Variants in NFIA observed in about 807,000 individuals in gnomAD.
NFIA encodes nuclear factor I A.
Under a neutral mutation model 62.8 loss-of-function variants are expected in NFIA, and 8 were observed. The observed-to-expected ratio is 0.13, with a 90% CI of 0.07 to 0.23. NFIA has a LOEUF of 0.23. NFIA is among the 10% of genes least tolerant of loss of function. The pLI, the probability that NFIA is intolerant of heterozygous loss-of-function variation, is 1.00. For synonymous variants in NFIA, 235 were observed against 238.1 expected (o/e 0.99, Z 0.12); for missense variants, 410 against 642.1 (o/e 0.64, Z 3.91).
intron 2 of NFIA, among the ~76,000 whole-genome samples, chr1:61,234,253 G>A (rs1387539526): frequency 1.3e-5 from 2 of 151,664 alleles, no homozygotes; most frequent in Non-Finnish European, 2.9e-5. Context: ...TGTAATCCCA[G>A]CTACTCAGGA....
chr1:61,196,500 C>T (rs774370120), intron 2 of NFIA, among the ~76,000 whole-genome samples: 28 of 152,032 alleles, frequency 1.8e-4, no homozygotes, highest in Non-Finnish European at 2.8e-4. Context: ...CATTTCTTAG[C>T]GTAGAGCAAA....
At chr1:61,451,869 C>G (rs904065419) in intron 10 of NFIA, among the ~76,000 whole-genome samples, 18 of 152,126 alleles carry the variant, frequency 1.2e-4, no homozygotes, top group Admixed American at 8.5e-4. Context: ...CATATGAAAC[C>G]TAAGCTTATG....
Position 61,181,759 on chromosome 1 carries a change from A to T in NFIA, c.559+93079A>T, listed in dbSNP as rs994667264. ...CAACTCTATTCCCTACTGATACATA[A>T]AGAAATTCCTGTGATAGTAAATAGT... On this transcript the variant is annotated intron_variant, in intron 2 of 10. Transcript: ENST00000403491. 2.6e-5 allele frequency among the ~76,000 whole-genome samples: 4 copies of T among 152,348 alleles called. No homozygotes were observed. The East Asian group carries it at 5.8e-4, about 22-fold the overall frequency.
chr1:61,246,003 C>G (rs1267696389), intron 2 of NFIA, among the ~76,000 whole-genome samples: 3 of 152,050 alleles, frequency 2.0e-5, no homozygotes, highest in Non-Finnish European at 4.4e-5. Context: ...TCCTATAAAC[C>G]CTATATGAAC....
chr1:61,189,760 G>T (rs1006168724), intron 2 of NFIA, among the ~76,000 whole-genome samples: 17 of 152,164 alleles, frequency 1.1e-4, no homozygotes, highest in African/African-American at 2.9e-4. Context: ...GTTTTACTAT[G>T]CAGACTCAGT....
chr1:61,096,891 G>A (rs1189412336), intron 2 of NFIA, among the ~76,000 whole-genome samples: 3 of 151,952 alleles, frequency 2.0e-5, no homozygotes, highest in Non-Finnish European at 4.4e-5. Context: ...AAAACTCAAA[G>A]CCTCACTCAA....
At position 61,354,883 on chromosome 1, in the gene NFIA, G is replaced by A. The variant is rs187310093; in HGVS notation, c.818+2316G>A. On this transcript the variant is annotated intron_variant, in intron 5 of 10. Coordinates refer to ENST00000403491, the MANE Select transcript of NFIA (RefSeq NM_001134673.4). Reference sequence around the variant, plus strand: ...TAGCTCTTCCCATTCAGCAGCGAACGTTATTAGTAAGAAACAAGGACACCG... The same window carrying A: ...TAGCTCTTCCCATTCAGCAGCGAACATTATTAGTAAGAAACAAGGACACCG... 1.1e-3 allele frequency among the ~76,000 whole-genome samples: 168 copies of A among 152,196 alleles called. 1 individual carries two copies. In the Middle Eastern group the frequency reaches 0.038, roughly 34 times the overall value.
chr1:61,435,145 T>C (rs1268061808), intron 10 of NFIA, among the ~76,000 whole-genome samples: 1 of 152,202 alleles, frequency 6.6e-6, no homozygotes, highest in Non-Finnish European at 1.5e-5. Flanking sequence ...ATGTACTGGG[T>C]ACTCACCAGG....
chr1:61,078,939 T>C (rs978763245), upstream of NFIA, among the ~76,000 whole-genome samples: 3 of 152,204 alleles, frequency 2.0e-5, no homozygotes, highest in Admixed American at 1.3e-4. Flanking sequence ...GACTAAAATA[T>C]CTCCATCTCC....
intron 10 of NFIA, among the ~76,000 whole-genome samples, chr1:61,426,780 A>G (rs928262539): frequency 6.6e-6 from 1 of 152,114 alleles, no homozygotes; most frequent in Non-Finnish European, 1.5e-5. Context: ...GAACTGTTTT[A>G]GCTATGGCAC....
intron 9 of NFIA, among the ~76,000 whole-genome samples, chr1:61,422,478 C>A (rs1666667886): frequency 1.3e-5 from 2 of 152,072 alleles, no homozygotes; most frequent in African/African-American, 2.4e-5. Flanking sequence ...TTCGTTTTTG[C>A]AGATATATCC....
intron 10 of NFIA, among the ~76,000 whole-genome samples, chr1:61,443,651 G>A (rs1464523516): frequency 6.6e-6 from 1 of 152,180 alleles, no homozygotes; most frequent in Admixed American, 6.5e-5. Context: ...GCATTGCCCT[G>A]AGGTTACAGT....
At chr1:61,334,282 A>G (rs1440234474) in intron 4 of NFIA, among the ~76,000 whole-genome samples, 2 of 152,202 alleles carry the variant, frequency 1.3e-5, no homozygotes, top group South Asian at 2.1e-4. Context: ...GGTTGCTGCC[A>G]TGGTATTGAA....
intron 2 of NFIA, among the ~76,000 whole-genome samples, chr1:61,117,656 T>G (rs2100464142): frequency 6.6e-6 from 1 of 152,354 alleles, no homozygotes; most frequent in Non-Finnish European, 1.5e-5. Context: ...TACAAGGTTA[T>G]CGTATATTTC....
chr1:61,316,789 C>T (rs1413380338), intron 3 of NFIA, among the ~76,000 whole-genome samples: 1 of 152,144 alleles, frequency 6.6e-6, no homozygotes, highest in Non-Finnish European at 1.5e-5. Flanking sequence ...GATCATTCTC[C>T]TGCCTAAAAG....
chr1:61,077,693 A>T (rs894595533), upstream of NFIA: 15 of 1,301,250 alleles, frequency 1.2e-5, no homozygotes, highest in Non-Finnish European at 1.5e-5. Context: ...AAACAATGGT[A>T]GAATGATTTT....
chr1:61,140,689 A>G (rs748815324), intron 2 of NFIA, among the ~76,000 whole-genome samples: 5 of 152,160 alleles, frequency 3.3e-5, no homozygotes, highest in East Asian at 1.9e-4. Context: ...CCAAAAGGCT[A>G]TTACCTCTGG....
chr1:61,237,174 T>C (rs754969778), intron 2 of NFIA, among the ~76,000 whole-genome samples: 1 of 152,224 alleles, frequency 6.6e-6, no homozygotes, highest in Non-Finnish European at 1.5e-5. Flanking sequence ...AAATAGTTGG[T>C]GATATAGTTA....
chr1:61,306,752 A>G (rs1178183675), intron 3 of NFIA, among the ~76,000 whole-genome samples: 1 of 152,224 alleles, frequency 6.6e-6, no homozygotes, highest in Non-Finnish European at 1.5e-5. Flanking sequence ...CCTCAAAAAC[A>G]CATAGTGGTC....
Sources: gnomAD v4.1 joint callset for allele counts (sites outside exome capture counted in the v4.1 genomes callset) on GRCh38, gnomAD v4.1.1 for gene constraint, MANE v1.5 for transcripts, NCBI Gene and HGNC (gene_info 2026-07-23, HGNC 2026-07-21) for gene names.